The following KYAT3 variants were observed in gnomAD, a reference collection of about 807,000 sequenced individuals.
The protein encoded by KYAT3 is kynurenine--oxoglutarate transaminase 3.
KYAT3 carries 50 observed loss-of-function variants against 59.0 expected under a neutral mutation model. That is an observed-to-expected ratio of 0.85 (90% CI 0.68 to 1.07). KYAT3 has a LOEUF of 1.07. Among genes scored for constraint, KYAT3 ranks in the 50% least tolerant of loss-of-function variants. KYAT3 has a pLI of 0.00. For synonymous variants in KYAT3, 148 were observed against 177.0 expected (o/e 0.84, Z 1.30); for missense variants, 497 against 533.3 (o/e 0.93, Z 0.67).
At chr1:88,945,300 G>C (rs1451795441) in intron 11 of KYAT3, among the ~76,000 whole-genome samples, 1 of 152,226 alleles carries the variant, frequency 6.6e-6, no homozygotes, top group Non-Finnish European at 1.5e-5. Flanking sequence ...TTTATTGACA[G>C]TAAGAGTTTA....
the KYAT3 span, among the ~76,000 whole-genome samples, chr1:88,929,976 A>C: frequency 5.3e-5 from 8 of 152,364 alleles, no homozygotes; most frequent in East Asian, 1.2e-3. Context: ...GCAGCTTTCC[A>C]GGCCCTAAAG....
chr1:88,942,966 G>GATA, intron 13 of KYAT3, 39 bp downstream of exon 13: 1 of 1,281,320 alleles, frequency 7.8e-7, no homozygotes. Context: ...TTGAAATGAA[G>GATA]ATACTATATA....
the KYAT3 span, among the ~76,000 whole-genome samples, chr1:88,927,115 G>C: frequency 6.6e-6 from 1 of 152,176 alleles, no homozygotes; most frequent in African/African-American, 2.4e-5. Flanking sequence ...CCCTGGAAGG[G>C]AATAAACATT....
intron 2 of KYAT3, chr1:88,983,388 G>A (rs757591089): frequency 2.5e-6 from 4 of 1,614,232 alleles, no homozygotes; most frequent in South Asian, 1.1e-5. Flanking sequence ...TTTACTGGGA[G>A]TGGTCCCCTG....
intron 8 of KYAT3, among the ~76,000 whole-genome samples, chr1:88,958,779 T>C (rs915569659): frequency 6.6e-6 from 1 of 152,206 alleles, no homozygotes; most frequent in Non-Finnish European, 1.5e-5. Context: ...TTTAGGAAAA[T>C]TGCTATTACT....
downstream of KYAT3, among the ~76,000 whole-genome samples, chr1:88,932,451 G>A (rs948264013): frequency 1.3e-5 from 2 of 152,094 alleles, no homozygotes; most frequent in East Asian, 1.9e-4. Context: ...CAAATGGGTT[G>A]TTTCCCATTT....
intron 1 of KYAT3, among the ~76,000 whole-genome samples, chr1:88,991,315 G>T (rs970184352): frequency 6.6e-6 from 1 of 152,182 alleles, no homozygotes; most frequent in Non-Finnish European, 1.5e-5. Context: ...TCACACATGG[G>T]GAGGAGAGGT....
chr1:88,931,041 G>A (rs1461265638), downstream of KYAT3, among the ~76,000 whole-genome samples: 1 of 152,144 alleles, frequency 6.6e-6, no homozygotes, highest in East Asian at 1.9e-4. Flanking sequence ...TGAGGACATA[G>A]TTTCCTCCCC....
chr1:88,956,157 A>T (rs1675907193), intron 8 of KYAT3, among the ~76,000 whole-genome samples: 1 of 152,222 alleles, frequency 6.6e-6, no homozygotes. Flanking sequence ...ACAGCACTTC[A>T]GCACTAGGCT....
chr1:88,987,188 C>T (rs564799511), intron 2 of KYAT3, among the ~76,000 whole-genome samples: 3 of 152,156 alleles, frequency 2.0e-5, no homozygotes, highest in Non-Finnish European at 4.4e-5. Flanking sequence ...CCCTGGCATA[C>T]GTAGTCTAAT....
chr1:88,947,695 T>G (rs542515714), intron 11 of KYAT3, among the ~76,000 whole-genome samples: 157 of 152,324 alleles, frequency 1.0e-3, no homozygotes, highest in African/African-American at 3.7e-3. Flanking sequence ...GAGACAGACC[T>G]GAAGACCAAA....
chr1:88,979,110 G>A (rs528344028), intron 2 of KYAT3, among the ~76,000 whole-genome samples: 1 of 152,308 alleles, frequency 6.6e-6, no homozygotes, highest in Non-Finnish European at 1.5e-5. Flanking sequence ...TAGATGAAAA[G>A]GGAGAATTCA....
chr1:88,944,484 T>A (rs555115868), intron 11 of KYAT3, among the ~76,000 whole-genome samples: 5 of 152,338 alleles, frequency 3.3e-5, no homozygotes, highest in African/African-American at 1.2e-4. Context: ...AAACTGCAAT[T>A]TATTGAACAC....
At chr1:88,959,477 G>A (rs1450386897) in intron 8 of KYAT3, among the ~76,000 whole-genome samples, 1 of 150,386 alleles carries the variant, frequency 6.6e-6, no homozygotes, top group African/African-American at 2.5e-5. Flanking sequence ...GGAGCCTGAG[G>A]CAGGAGAATT....
rs759205673 is a variant in KYAT3, at chr1:88,943,385, C to T, written c.1180G>A (p.Asp394Asn). The T allele has an allele frequency of 6.3e-7, 1 of 1,585,274 alleles. No homozygotes were observed. Among genetic ancestry groups the T allele is most frequent in the Non-Finnish European group, 8.6e-7 (1 of 1,162,702 alleles). The stretch of plus-strand genomic sequence containing the variant: ...GTCATCCATTTCACAAACTTATAGT[C>T]ATAAGGCTCATTATTCTTCATATCA... Reference protein sequence around the residue: ...LSDMKNNEPYDYKFVKWMTKH... With the variant: ...LSDMKNNEPYNYKFVKWMTKH... Residue 394 changes from aspartate (D) to asparagine (N), a missense_variant, in exon 12 of 14, where the codon GAC becomes AAC. By Grantham distance (23) the Asp-to-Asn change is conservative (BLOSUM62 1). Coordinates refer to ENST00000260508, the MANE Select transcript of KYAT3 (RefSeq NM_001008661.3).
Position 88,961,434 on chromosome 1 carries a change from T to TA in KYAT3, c.612dup (p.Asn205Ter), listed in dbSNP as rs1443763104. The TA allele has an allele frequency of 1.5e-5, 25 of 1,613,760 alleles. No individual in the cohort carries two copies. The highest frequency in any genetic ancestry group is 2.1e-5 in the Non-Finnish European group (25 of 1,179,816). ...AGTATAATAGCTTTGGTTTTGGAAT[T>TA]AAATTTACTTTCCAGTTCTTGAGGA... On this transcript the variant is annotated frameshift_variant, in exon 7 of 14. Transcript: ENST00000260508. LOFTEE classifies it high-confidence loss of function.
At position 88,953,063 on chromosome 1, in the gene KYAT3, C is replaced by G. The variant is rs1425548375; in HGVS notation, c.954G>C (p.Gln318His). 1.3e-6 allele frequency: 2 copies of G among 1,583,970 alleles called. No individual in the cohort carries two copies. The highest frequency in any genetic ancestry group is 3.3e-5 in the Admixed American group (2 of 59,962). ...TACCCTGAGTTACTATAACACTTAC[C>G]TGTAAAGGAGTTGCACAAGTATAAA... ...NTIYTCATPLQEALAQAFWID... is the reference protein window; with the variant it reads ...NTIYTCATPLHEALAQAFWID... Residue 318 changes from glutamine to histidine, a missense_variant and splice_region_variant, in exon 10 of 14, where the codon CAG becomes CAC. Coordinates refer to ENST00000260508, the MANE Select transcript of KYAT3 (RefSeq NM_001008661.3).
At chr1:88,951,438 T>C (rs1389570638) in intron 10 of KYAT3, among the ~76,000 whole-genome samples, 1 of 152,048 alleles carries the variant, frequency 6.6e-6, no homozygotes, top group Non-Finnish European at 1.5e-5. Context: ...TTTTGCCATG[T>C]TGGCCAGGCT....
At chr1:88,975,971 T>C (rs1329746042) in intron 2 of KYAT3, among the ~76,000 whole-genome samples, 3 of 150,866 alleles carry the variant, frequency 2.0e-5, no homozygotes, top group South Asian at 2.1e-4. Context: ...GAGGTGGAGG[T>C]TGCAGTGAGC....
Sources: allele counts gnomAD v4.1 joint callset (sites outside exome capture counted in the v4.1 genomes callset), GRCh38; gene constraint gnomAD v4.1.1; transcripts MANE v1.5; gene names NCBI Gene and HGNC (gene_info 2026-07-23, HGNC 2026-07-21).